The following RAI1 variants were observed in gnomAD, a reference collection of about 807,000 sequenced individuals.
RAI1 encodes retinoic acid induced 1.
A neutral mutation model predicts 123.8 loss-of-function variants in RAI1; 9 were observed. The observed-to-expected ratio is 0.07, with a 90% CI of 0.04 to 0.13. The LOEUF (loss-of-function observed/expected upper bound fraction) is 0.13, where lower values mean the gene tolerates loss of function less well. Among genes scored for constraint, RAI1 ranks in the 10% least tolerant of loss-of-function variants. The pLI is 1.00. For missense variants in RAI1, 2,256 were observed against 2,545.8 expected, an observed-to-expected ratio of 0.89 and a Z score of 2.45; for synonymous variants, 1,231 against 1,127.3, an observed-to-expected ratio of 1.09 and a Z score of -1.84.
In RAI1 at chr17:17,681,792, A is replaced by T; in HGVS notation, c.-150A>T. The T allele has an allele frequency of 3.1e-6, 1 of 319,614 alleles. No individual in the cohort carries two copies. Among genetic ancestry groups the T allele is most frequent in the Non-Finnish European group, 5.7e-6 (1 of 174,708 alleles). 19.8% of individuals were successfully genotyped at this position (319,614 alleles called of 1,614,324 possible). A position where few individuals can be genotyped will look rare whatever the true frequency, so the allele number is the denominator to read the frequency against. On this transcript the variant is annotated splice_region_variant and 5_prime_UTR_variant, in exon 1 of 6. Transcript: ENST00000353383. ...GGCCCCCGAGTGAGCGCGGGCGCCGAGGTGAGCAGCGAGCGCCGGGGCGCG... is the reference window on the plus strand; with the variant it reads ...GGCCCCCGAGTGAGCGCGGGCGCCGTGGTGAGCAGCGAGCGCCGGGGCGCG...
At position 17,724,069 on chromosome 17, in the gene RAI1, G is replaced by A. The variant is rs369356026; in HGVS notation, c.-107G>A. 12 of 143,190 alleles carry A rather than the reference G, an allele frequency of 8.4e-5. No individual in the cohort carries two copies. In the East Asian group the frequency reaches 2.1e-3, roughly 25 times the overall value. The allele number at this position is 143,190 out of a possible 1,614,324, so 8.9% of individuals were successfully genotyped here. Reference sequence around the variant, plus strand: ...CGCGTTCTGGAAGAGGCGAGAGGGAGAGCGTGCGCGAGAGGAGAGAGACGG... The same window carrying A: ...CGCGTTCTGGAAGAGGCGAGAGGGAAAGCGTGCGCGAGAGGAGAGAGACGG... On this transcript the variant is annotated 5_prime_UTR_variant, in exon 2 of 6. Transcript: ENST00000353383.
chr17:17,699,262 A>G (rs1192006186), intron 1 of RAI1, among the ~76,000 whole-genome samples: 1 of 152,180 alleles, frequency 6.6e-6, no homozygotes, highest in African/African-American at 2.4e-5. Flanking sequence ...ATCTGTCGGC[A>G]ACATCCTTGA....
chr17:17,742,623 AAGAG>A (rs985905597), intron 2 of RAI1, among the ~76,000 whole-genome samples: 7 of 151,926 alleles, frequency 4.6e-5, no homozygotes, highest in East Asian at 3.9e-4. Flanking sequence ...CTCGTTTTAA[AAGAG>A]AGAGAGAGAG....
chr17:17,784,719 G>A (rs763038919), intron 2 of RAI1, among the ~76,000 whole-genome samples: 48 of 152,236 alleles, frequency 3.2e-4, no homozygotes, highest in Non-Finnish European at 5.4e-4. Flanking sequence ...GTGGCTCGGC[G>A]GGGAGCCATG....
Position 17,681,656 on chromosome 17 carries a change from C to A in RAI1, c.-286C>A. On this transcript the variant is annotated 5_prime_UTR_variant, in exon 1 of 6. Coordinates refer to ENST00000353383, the MANE Select transcript of RAI1 (RefSeq NM_030665.4). Reference sequence around the variant, plus strand: ...CCCTAGCGCCGGCGCGAGGAGGGGGCGCCGCGGCCCACCCTCCTTCCTGCC... The same window carrying A: ...CCCTAGCGCCGGCGCGAGGAGGGGGAGCCGCGGCCCACCCTCCTTCCTGCC... 4.1e-6 allele frequency: 1 copy of A among 242,694 alleles called. No individual in the cohort carries two copies. The allele number at this position is 242,694 out of a possible 1,614,324, so 15.0% of individuals were successfully genotyped here. A position where few individuals can be genotyped will look rare whatever the true frequency, so the allele number is the denominator to read the frequency against.
chr17:17,738,398 G>A (rs1185602004), intron 2 of RAI1, among the ~76,000 whole-genome samples: 2 of 150,770 alleles, frequency 1.3e-5, no homozygotes, highest in African/African-American at 2.4e-5. Flanking sequence ...CTGGCGGGGC[G>A]GGGTGGGGTG....
chr17:17,777,082 C>T (rs2031372725), intron 2 of RAI1: 1 of 152,178 alleles, frequency 6.6e-6, no homozygotes, highest in Non-Finnish European at 1.5e-5. Context: ...ATGTATCTCC[C>T]TCATCCCCCT....
intron 2 of RAI1, among the ~76,000 whole-genome samples, chr17:17,768,365 G>T (rs2031018580): frequency 6.6e-6 from 1 of 152,182 alleles, no homozygotes; most frequent in Non-Finnish European, 1.5e-5. Context: ...ATTTTGCACT[G>T]AGCCCCACAA....
chr17:17,738,940 C>T (rs1421991396), intron 2 of RAI1, among the ~76,000 whole-genome samples: 2 of 152,142 alleles, frequency 1.3e-5, no homozygotes, highest in Non-Finnish European at 2.9e-5. Flanking sequence ...GCACGCTGCC[C>T]GTAGTATCCT....
intron 2 of RAI1, among the ~76,000 whole-genome samples, chr17:17,782,875 T>A (rs1040291571): frequency 3.3e-5 from 5 of 152,002 alleles, no homozygotes; most frequent in African/African-American, 1.2e-4. Context: ...TCCTCGCCCT[T>A]ACCGAGGCGT....
At chr17:17,768,541 T>G (rs1223051819) in intron 2 of RAI1, among the ~76,000 whole-genome samples, 1 of 152,162 alleles carries the variant, frequency 6.6e-6, no homozygotes, top group Admixed American at 6.5e-5. Context: ...CTTGCCCAGT[T>G]TACACGCCAG....
chr17:17,780,222 T>C (rs982001912), intron 2 of RAI1, among the ~76,000 whole-genome samples: 7 of 151,698 alleles, frequency 4.6e-5, no homozygotes, highest in Non-Finnish European at 7.4e-5. Context: ...CATGCTACCA[T>C]GTCAAGTTAA....
chr17:17,681,482 A>G lies in RAI1; in HGVS notation c.-460A>G. On this transcript the variant is annotated 5_prime_UTR_variant, in exon 1 of 6. Coordinates refer to ENST00000353383, the MANE Select transcript of RAI1 (RefSeq NM_030665.4). ...CGCATTCCTCGCGGCACCCGCGGAC[A>G]CCAGGCAGGCCCGGCCGGGTGCGCG... 1 of 169,072 alleles carries G rather than the reference A, an allele frequency of 5.9e-6. No individual in the cohort carries two copies. The highest frequency in any genetic ancestry group is 1.2e-5 in the Non-Finnish European group (1 of 80,490). The allele number at this position is 169,072 out of a possible 1,614,324, so 10.5% of individuals were successfully genotyped here.
intron 2 of RAI1, among the ~76,000 whole-genome samples, chr17:17,737,973 C>T (rs1203376782): frequency 6.6e-6 from 1 of 152,072 alleles, no homozygotes; most frequent in East Asian, 1.9e-4. Context: ...GGGGGCGCCC[C>T]CCACCCTGGC....
At chr17:17,695,519 C>G (rs1914996942) in intron 1 of RAI1, among the ~76,000 whole-genome samples, 1 of 146,408 alleles carries the variant, frequency 6.8e-6, no homozygotes, top group South Asian at 2.1e-4. Context: ...TTCCCCTGGT[C>G]TTTCTCTCTC....
Position 17,797,882 on chromosome 17 carries a change from C to T in RAI1, c.4934C>T (p.Ala1645Val). Residue 1645 changes from alanine to valine, a missense_variant, in exon 3 of 6, where the codon GCC becomes GTC. Ala to Val is a moderately conservative substitution (Grantham distance 64, BLOSUM62 0). Transcript: ENST00000353383. Reference sequence around the variant, plus strand: ...TCGTCCTCGTTCTCCTTGGATGCAGCCGGGGCCTCCCTGGCCACACTCCCT... The same window carrying T: ...TCGTCCTCGTTCTCCTTGGATGCAGTCGGGGCCTCCCTGGCCACACTCCCT... ...SSSSSFSLDAAGASLATLPGG... is the reference protein window; with the variant it reads ...SSSSSFSLDAVGASLATLPGG... The T allele has an allele frequency of 1.2e-6, 2 of 1,613,990 alleles. No individual in the cohort carries two copies. The highest frequency in any genetic ancestry group is 1.7e-6 in the Non-Finnish European group (2 of 1,180,006).
In RAI1 at chr17:17,797,472, C is replaced by A; in HGVS notation, c.4524C>A (p.Ser1508=). 6.2e-7 allele frequency: 1 copy of A among 1,613,332 alleles called. No individual in the cohort carries two copies. The highest frequency in any genetic ancestry group is 1.1e-5 in the South Asian group (1 of 91,066). Residue 1508 remains serine (S), a synonymous_variant, in exon 3 of 6, where the codon TCC becomes TCA. Coordinates refer to ENST00000353383, the MANE Select transcript of RAI1 (RefSeq NM_030665.4). ...KPKMEELGLA[S]QPPEGRPCQP... is the part of the protein sequence containing the mutation. ...AGATGGAGGAGCTGGGCCTGGCCTC[C>A]CAGCCCCCGGAGGGCAGGCCCTGCC...
intron 1 of RAI1, among the ~76,000 whole-genome samples, chr17:17,701,112 GTCC>G (rs1915209921): frequency 6.6e-6 from 1 of 152,120 alleles, no homozygotes; most frequent in Admixed American, 6.5e-5. Flanking sequence ...ATGAGCCCCT[GTCC>G]TCCTGGGATG....
At chr17:17,749,000 C>T (rs2030041008) in intron 2 of RAI1, among the ~76,000 whole-genome samples, 1 of 152,232 alleles carries the variant, frequency 6.6e-6, no homozygotes, top group Non-Finnish European at 1.5e-5. Flanking sequence ...GAGACAGCAG[C>T]AGGGCTGGCA....
Sources: allele counts gnomAD v4.1 joint callset (sites outside exome capture counted in the v4.1 genomes callset), GRCh38; gene constraint gnomAD v4.1.1; transcripts MANE v1.5; gene names NCBI Gene and HGNC (gene_info 2026-07-23, HGNC 2026-07-21).